SLC30A6: variants seen among roughly 807,000 people sequenced by gnomAD.
SLC30A6 encodes the protein solute carrier family 30 member 6.
A neutral mutation model predicts 63.0 loss-of-function variants in SLC30A6; 55 were observed. The ratio of observed to expected loss-of-function variants is 0.87; its 90% confidence interval spans 0.70 to 1.09. SLC30A6 has a LOEUF of 1.09. SLC30A6 is among the 50% of genes least tolerant of loss of function. The pLI is 0.00. For missense variants in SLC30A6, 587 were observed against 549.2 expected, an observed-to-expected ratio of 1.07 and a Z score of -0.69; for synonymous variants, 224 against 186.1, an observed-to-expected ratio of 1.20 and a Z score of -1.66.
At chr2:32,180,420 A>G (rs1364658005) in intron 4 of SLC30A6, among the ~76,000 whole-genome samples, 1 of 151,868 alleles carries the variant, frequency 6.6e-6, no homozygotes, top group Non-Finnish European at 1.5e-5. Context: ...CAAAAAAAAA[A>G]AAAAAGGATT....
chr2:32,184,399 G>T, intron 5 of SLC30A6, 61 bp downstream of exon 5: 1 of 919,768 alleles, frequency 1.1e-6, no homozygotes, highest in South Asian at 2.3e-5. Flanking sequence ...ATTTATAGTA[G>T]ACGATAAAGA....
At chr2:32,197,924 T>C in intron 10 of SLC30A6, 98 bp downstream of exon 10, 1 of 1,423,400 alleles carries the variant, frequency 7.0e-7, no homozygotes, top group Non-Finnish European at 9.6e-7. Context: ...TCTAGCAGTT[T>C]CGCTTATGTC....
At chr2:32,192,591 A>G (rs949506060) in intron 6 of SLC30A6, among the ~76,000 whole-genome samples, 175 bp downstream of exon 6, 3 of 151,966 alleles carry the variant, frequency 2.0e-5, no homozygotes, top group Non-Finnish European at 2.9e-5. Context: ...CATTTTTTTT[A>G]CTTCCTTCCT....
At chr2:32,205,002 G>A (rs1157598489) in intron 11 of SLC30A6, among the ~76,000 whole-genome samples, 4 of 151,690 alleles carry the variant, frequency 2.6e-5, no homozygotes, top group Admixed American at 2.6e-4. Context: ...TTGTAGAGAT[G>A]GGCTCTCACT....
At chr2:32,207,770 G>A (rs1232420180) in intron 12 of SLC30A6, among the ~76,000 whole-genome samples, 2 of 135,122 alleles carry the variant, frequency 1.5e-5, no homozygotes, top group African/African-American at 5.7e-5. Context: ...GCACAATCTC[G>A]GCTCACTGCA....
At chr2:32,191,383 C>T (rs1388480884) in intron 5 of SLC30A6, among the ~76,000 whole-genome samples, 2 of 151,942 alleles carry the variant, frequency 1.3e-5, no homozygotes, top group Non-Finnish European at 2.9e-5. Flanking sequence ...TTACAAATAA[C>T]AATGTGATGT....
At chr2:32,218,339 C>G (rs1170079753) in intron 13 of SLC30A6, among the ~76,000 whole-genome samples, 1 of 152,210 alleles carries the variant, frequency 6.6e-6, no homozygotes, top group Non-Finnish European at 1.5e-5. Context: ...ACTTCTAACT[C>G]TCATTGTAAT....
chr2:32,192,549 T>G (rs1023795025), intron 6 of SLC30A6, 133 bp downstream of exon 6: 1 of 670,434 alleles, frequency 1.5e-6, no homozygotes, highest in Admixed American at 3.1e-5. Context: ...GATAGTACAC[T>G]TTCTTTATGT....
At chr2:32,166,038 A>T in intron 1 of SLC30A6, 135 bp downstream of exon 1, 2 of 1,300,280 alleles carry the variant, frequency 1.5e-6, no homozygotes, top group South Asian at 2.4e-5. Flanking sequence ...CCTTGGCAGG[A>T]GCGGCTGTCT....
At chr2:32,215,334 A>G (rs1389782876) in intron 13 of SLC30A6, among the ~76,000 whole-genome samples, 3 of 151,760 alleles carry the variant, frequency 2.0e-5, no homozygotes, top group Admixed American at 1.3e-4. Flanking sequence ...AGCTGTGACT[A>G]TAGGCGCGCA....
At chr2:32,176,395 A>G (rs984353306) in intron 4 of SLC30A6, among the ~76,000 whole-genome samples, 1 of 152,104 alleles carries the variant, frequency 6.6e-6, no homozygotes, top group Non-Finnish European at 1.5e-5. Context: ...TTAGTGGCTC[A>G]CGCCTGTAAT....
chr2:32,185,350 T>C (rs1036005489), intron 5 of SLC30A6, among the ~76,000 whole-genome samples: 4 of 150,428 alleles, frequency 2.7e-5, no homozygotes, highest in Non-Finnish European at 5.9e-5. Context: ...AGTAAGACCC[T>C]GTCTCAAAAA....
intron 11 of SLC30A6, 70 bp from the exon 12 acceptor site, chr2:32,206,816 G>T: frequency 4.2e-6 from 5 of 1,184,724 alleles, no homozygotes; most frequent in Non-Finnish European, 5.0e-6. Context: ...TTGGGGAGGG[G>T]GTTCAGGACC....
intron 4 of SLC30A6, among the ~76,000 whole-genome samples, chr2:32,182,099 A>G (rs934620824): frequency 6.6e-6 from 1 of 151,394 alleles, no homozygotes; most frequent in Admixed American, 6.6e-5. Flanking sequence ...ACACCTGGCT[A>G]ATTTTTGTGT....
intron 5 of SLC30A6, among the ~76,000 whole-genome samples, chr2:32,186,685 C>CT (rs1304108295): frequency 6.7e-6 from 1 of 150,170 alleles, no homozygotes; most frequent in African/African-American, 2.4e-5. Context: ...GAGCGAGACT[C>CT]TGTCTCAAAA....
chr2:32,196,102 C>T (rs187325667), intron 8 of SLC30A6, among the ~76,000 whole-genome samples: 1 of 152,220 alleles, frequency 6.6e-6, no homozygotes, highest in East Asian at 1.9e-4. Flanking sequence ...ATCACAAGGT[C>T]AGCAGTTTGA....
intron 13 of SLC30A6, among the ~76,000 whole-genome samples, chr2:32,214,070 A>G (rs937745608): frequency 2.4e-4 from 37 of 152,244 alleles, no homozygotes; most frequent in African/African-American, 7.9e-4. Context: ...AGCCGGGATT[A>G]CAGATGCCCC....
chr2:32,174,232 A>G (rs1681501104), intron 3 of SLC30A6, 85 bp downstream of exon 3: 5 of 969,724 alleles, frequency 5.2e-6, no homozygotes, highest in Admixed American at 4.7e-5. Context: ...TACATAGAAT[A>G]TATTATTCTG....
rs1686089154 is a variant in SLC30A6, at chr2:32,220,663, A to T, written c.1336A>T (p.Ile446Leu). The T allele has an allele frequency of 1.9e-6, 3 of 1,614,030 alleles. No individual in the cohort carries two copies. The highest frequency in any genetic ancestry group is 4.5e-5 in the East Asian group (2 of 44,878). The change falls in exon 14 of 14, where the codon ATA becomes TTA. Residue 446 changes from isoleucine (I) to leucine (L), a missense_variant. Physicochemically the swap from Ile to Leu is conservative, Grantham distance 5. Transcript: ENST00000282587. ...TQGLRTGFTN[I>L]PSRYGTNNRI... is the part of the protein sequence containing the mutation. ...AGGATTGAGGACTGGTTTTACAAAT[A>T]TACCAAGTAGATATGGAACTAATAA...
Sources: gnomAD v4.1 joint callset for allele counts (sites outside exome capture counted in the v4.1 genomes callset) on GRCh38, gnomAD v4.1.1 for gene constraint, MANE v1.5 for transcripts, NCBI Gene and HGNC (gene_info 2026-07-23, HGNC 2026-07-21) for gene names.